SH3GL3: variants seen among roughly 807,000 people sequenced by gnomAD.
SH3GL3 encodes the protein endophilin-A3.
A neutral mutation model predicts 47.7 loss-of-function variants in SH3GL3; 33 were observed. That is an observed-to-expected ratio of 0.69 (90% CI 0.52 to 0.92). The LOEUF (loss-of-function observed/expected upper bound fraction) is 0.92, where lower values mean the gene tolerates loss of function less well. Ranked by LOEUF, SH3GL3 falls within the 40% of genes least tolerant of loss-of-function variation. The probability of loss-of-function intolerance (pLI) is 0.00; values close to 1 mark genes in which losing one functional copy is unlikely to be tolerated. For synonymous variants in SH3GL3, 155 were observed against 148.8 expected (o/e 1.04, Z -0.30); for missense variants, 363 against 417.8 (o/e 0.87, Z 1.14).
At chr15:83,533,171 G>C (rs2043757354) in intron 1 of SH3GL3, among the ~76,000 whole-genome samples, 1 of 152,232 alleles carries the variant, frequency 6.6e-6, no homozygotes, top group African/African-American at 2.4e-5. Flanking sequence ...GACACCTTAA[G>C]AGGCAGTTCT....
In SH3GL3 at chr15:83,565,214, T is replaced by A. The variant is rs1287232266; in HGVS notation, c.187+8T>A. On this transcript the variant is annotated splice_region_variant and intron_variant, in intron 3 of 8. Coordinates refer to ENST00000427482, the MANE Select transcript of SH3GL3 (RefSeq NM_003027.5). ...ATCTTCAGCCAAATCCAGGTAAAGT[T>A]GAAATATTCTCTTGTTCATTTGCTG... is the stretch of plus-strand genomic sequence containing the variant. 1 of 1,492,890 alleles carries A rather than the reference T, an allele frequency of 6.7e-7. No homozygotes were observed. Among genetic ancestry groups the A allele is most frequent in the South Asian group, 1.1e-5 (1 of 87,652 alleles). The allele number at this position is 1,492,890 out of a possible 1,614,324, so 92.5% of individuals were successfully genotyped here.
intron 1 of SH3GL3, among the ~76,000 whole-genome samples, chr15:83,450,405 A>G (rs1267789148): frequency 6.6e-6 from 1 of 152,216 alleles, no homozygotes; most frequent in Non-Finnish European, 1.5e-5. Context: ...GACCTTTTAC[A>G]GAGAAGGGAT....
the SH3GL3 span, among the ~76,000 whole-genome samples, chr15:83,624,967 A>AAG: frequency 6.6e-6 from 1 of 152,108 alleles, no homozygotes; most frequent in Admixed American, 6.5e-5. Context: ...CTTCCTTAAG[A>AAG]AGAGAGCACC....
At chr15:83,497,116 G>A (rs1277833306) in intron 1 of SH3GL3, among the ~76,000 whole-genome samples, 2 of 152,106 alleles carry the variant, frequency 1.3e-5, no homozygotes, top group Non-Finnish European at 2.9e-5. Context: ...AATTGTGCTG[G>A]TGTTACATAT....
chr15:83,496,010 A>G lies in SH3GL3; in HGVS notation c.45+48432A>G, dbSNP rs546955165. Reference sequence around the variant, plus strand: ...GCGGGGAGGAGAAAGGAGGCAAAGAAACACGTATATGGATTTGCGTCTTCC... The same window carrying G: ...GCGGGGAGGAGAAAGGAGGCAAAGAGACACGTATATGGATTTGCGTCTTCC... On this transcript the variant is annotated intron_variant, in intron 1 of 8. Transcript: ENST00000427482. Among the ~76,000 whole-genome samples the G allele has an allele frequency of 6.6e-5, 10 of 152,232 alleles. No homozygotes were observed. In the South Asian group the frequency reaches 2.1e-3, roughly 32 times the overall value.
chr15:83,468,122 G>A (rs547413085), intron 1 of SH3GL3, among the ~76,000 whole-genome samples: 16 of 152,318 alleles, frequency 1.1e-4, no homozygotes, highest in Admixed American at 3.9e-4. Flanking sequence ...GAGCCACTGC[G>A]CCCTGCCAGG....
At chr15:83,576,308 G>A (rs2059675115) in intron 5 of SH3GL3, among the ~76,000 whole-genome samples, 1 of 152,190 alleles carries the variant, frequency 6.6e-6, no homozygotes, top group Non-Finnish European at 1.5e-5. Context: ...TAATATCTGA[G>A]CATGGCTACT....
intron 8 of SH3GL3, among the ~76,000 whole-genome samples, chr15:83,610,867 G>A (rs2060641620): frequency 6.6e-6 from 1 of 152,044 alleles, no homozygotes; most frequent in Non-Finnish European, 1.5e-5. Flanking sequence ...CGTCCCTGTA[G>A]CTGAGTAGGG....
intron 1 of SH3GL3, among the ~76,000 whole-genome samples, chr15:83,536,559 T>A (rs886687464): frequency 6.6e-6 from 1 of 151,920 alleles, no homozygotes; most frequent in African/African-American, 2.4e-5. Context: ...TGTGCCACCA[T>A]GCCCGGCTAA....
At chr15:83,568,473 GT>G in intron 3 of SH3GL3, 55 bp from the exon 4 acceptor site, 1 of 1,472,942 alleles carries the variant, frequency 6.8e-7, no homozygotes, top group Admixed American at 1.7e-5. Context: ...TAAATTCTAT[GT>G]ACCTGTCACT....
intron 6 of SH3GL3, among the ~76,000 whole-genome samples, chr15:83,580,745 G>A (rs1429677887): frequency 4.6e-5 from 7 of 152,200 alleles, no homozygotes; most frequent in Admixed American, 2.6e-4. Flanking sequence ...GAGCCCGCCT[G>A]TCTTACCACC....
chr15:83,550,192 C>T (rs932333465), intron 1 of SH3GL3, among the ~76,000 whole-genome samples: 1 of 152,088 alleles, frequency 6.6e-6, no homozygotes, highest in African/African-American at 2.4e-5. Flanking sequence ...AGCATGACTG[C>T]CAACTGGTTG....
At chr15:83,493,541 C>T (rs891226881) in intron 1 of SH3GL3, among the ~76,000 whole-genome samples, 3 of 152,186 alleles carry the variant, frequency 2.0e-5, no homozygotes, top group East Asian at 1.9e-4. Flanking sequence ...CATGGCCCTC[C>T]TCCATGCTGG....
chr15:83,594,423 C>T (rs1302084044), intron 8 of SH3GL3, among the ~76,000 whole-genome samples: 3 of 152,158 alleles, frequency 2.0e-5, no homozygotes, highest in Admixed American at 2.0e-4. Flanking sequence ...CCATATACTC[C>T]TCCACTCTTC....
chr15:83,515,876 T>G (rs1002592907), intron 1 of SH3GL3, among the ~76,000 whole-genome samples: 1 of 152,246 alleles, frequency 6.6e-6, no homozygotes, highest in Admixed American at 6.5e-5. Flanking sequence ...GAACATTATC[T>G]TTGTTTCTGC....
chr15:83,603,901 G>A (rs1185473915), intron 8 of SH3GL3, among the ~76,000 whole-genome samples: 2 of 152,222 alleles, frequency 1.3e-5, no homozygotes, highest in Non-Finnish European at 2.9e-5. Flanking sequence ...TTGGGAGGCC[G>A]AGGCGGGTGG....
rs1167004728 is a variant in SH3GL3 at position 83,576,623 on chromosome 15, A to G, written c.506A>G (p.Asp169Gly). The G allele has an allele frequency of 6.2e-7, 1 of 1,612,268 alleles. No homozygotes were observed. Among genetic ancestry groups the G allele is most frequent in the East Asian group, 2.2e-5 (1 of 44,882 alleles). ...KKLEGRRLDY[D>G]YKKKRVGKIP... ...CTGGAAGGCCGCCGCCTGGATTACG[A>G]TTATAAAAAGAAACGAGTAGGTAAG... The change falls in exon 6 of 9, where the codon GAT (aspartate) becomes GGT (glycine). Residue 169 changes from aspartate to glycine, a missense_variant. Physicochemically the swap from Asp to Gly is moderately conservative, Grantham distance 94. Transcript: ENST00000427482.
Position 83,568,561 on chromosome 15 carries a change from G to T in SH3GL3, c.220G>T (p.Val74Leu). The change falls in exon 4 of 9, where the codon GTG becomes TTG. Residue 74 changes from valine (V) to leucine (L), a missense_variant. Coordinates refer to ENST00000427482, the MANE Select transcript of SH3GL3 (RefSeq NM_003027.5). ...AGCTAAGCTAGGAATGCTGAACACT[G>T]TGTCGAAGATCCGAGGGCAGGTGAA... ...YRAKLGMLNT[V>L]SKIRGQVKTT... 6.2e-7 allele frequency: 1 copy of T among 1,613,588 alleles called. No homozygotes were observed. Among genetic ancestry groups the T allele is most frequent in the Non-Finnish European group, 8.5e-7 (1 of 1,179,514 alleles).
intron 5 of SH3GL3, 48 bp from the exon 6 acceptor site, chr15:83,576,535 G>A: frequency 6.6e-7 from 1 of 1,519,840 alleles, no homozygotes; most frequent in Non-Finnish European, 8.9e-7. Context: ...TTTTGTGCCA[G>A]GTTTTGAATG....
Sources: allele counts gnomAD v4.1 joint callset (sites outside exome capture counted in the v4.1 genomes callset), GRCh38; gene constraint gnomAD v4.1.1; transcripts MANE v1.5; gene names NCBI Gene and HGNC (gene_info 2026-07-23, HGNC 2026-07-21).